Variants in EIF2S2 observed in about 807,000 individuals in gnomAD.
EIF2S2 encodes the protein eukaryotic translation initiation factor 2 subunit 2.
Under a neutral mutation model 44.0 loss-of-function variants are expected in EIF2S2, and 4 were observed. The observed-to-expected ratio is 0.09, with a 90% CI of 0.04 to 0.21. The LOEUF is 0.21. EIF2S2 is among the 10% of genes least tolerant of loss of function. The probability of loss-of-function intolerance (pLI) is 1.00; values close to 1 mark genes in which losing one functional copy is unlikely to be tolerated. For missense variants in EIF2S2, 154 were observed against 392.0 expected, an observed-to-expected ratio of 0.39 and a Z score of 5.13; for synonymous variants, 108 against 128.3, an observed-to-expected ratio of 0.84 and a Z score of 1.07.
At chr20:34,097,714 G>C (rs1409873325) in intron 4 of EIF2S2, among the ~76,000 whole-genome samples, 198 bp from the exon 5 acceptor site, 2 of 152,074 alleles carry the variant, frequency 1.3e-5, no homozygotes, top group African/African-American at 4.8e-5. Flanking sequence ...TTTCAAAAAA[G>C]GCCCTTAATA....
intron 8 of EIF2S2, 49 bp from the exon 9 acceptor site, chr20:34,089,954 G>T (rs757359236): frequency 1.3e-6 from 2 of 1,599,698 alleles, no homozygotes; most frequent in South Asian, 2.2e-5. Context: ...CAGTGAGGTA[G>T]AGAAGTTTCT....
At chr20:34,104,941 C>T (rs1053501520) in intron 2 of EIF2S2, among the ~76,000 whole-genome samples, 12 of 152,198 alleles carry the variant, frequency 7.9e-5, no homozygotes, top group African/African-American at 2.9e-4. Flanking sequence ...GTCTATGTTA[C>T]AGCACAGGGG....
chr20:34,093,864 C>G (rs1379789337), intron 6 of EIF2S2, 133 bp from the exon 7 acceptor site: 4 of 769,416 alleles, frequency 5.2e-6, no homozygotes, highest in Admixed American at 2.8e-5. Context: ...TTTATTTAAA[C>G]TTTGAAATAA....
intron 1 of EIF2S2, among the ~76,000 whole-genome samples, 195 bp from the exon 2 acceptor site, chr20:34,105,740 C>T (rs1433712106): frequency 6.6e-6 from 1 of 152,154 alleles, no homozygotes; most frequent in East Asian, 1.9e-4. Context: ...ATCAGGTGAA[C>T]TGAAACATGT....
At chr20:34,092,762 A>C (rs2034181960) in intron 7 of EIF2S2, among the ~76,000 whole-genome samples, 1 of 152,174 alleles carries the variant, frequency 6.6e-6, no homozygotes, top group Non-Finnish European at 1.5e-5. Context: ...ACCCCACACC[A>C]AGTGTAGCAA....
At chr20:34,091,776 T>TTTTTGGGG (rs4012181) in intron 7 of EIF2S2, among the ~76,000 whole-genome samples, 1 of 95,814 alleles carries the variant, frequency 1.0e-5, no homozygotes, top group African/African-American at 3.6e-5. Context: ...TTTATTTTTT[T>TTTTTGGGG]GGGGGGGGGG....
At position 34,112,182 on chromosome 20, in the gene EIF2S2, T is replaced by G; in HGVS notation, c.-72A>C. 2 of 1,466,032 alleles carry G rather than the reference T, an allele frequency of 1.4e-6. No individual in the cohort carries two copies. The highest frequency in any genetic ancestry group is 1.4e-5 in the African/African-American group (1 of 70,310). 90.8% of individuals were successfully genotyped at this position (1,466,032 alleles called of 1,614,324 possible). A position where few individuals can be genotyped will look rare whatever the true frequency, so the allele number is the denominator to read the frequency against. On this transcript the variant is annotated 5_prime_UTR_variant, in exon 1 of 9. Coordinates refer to ENST00000374980, the MANE Select transcript of EIF2S2 (RefSeq NM_003908.5). ...CAGCCCCAGGCCCCGGCGGCAGCGCTGCCCCTGCCGATACCTCTCCCACCA... is the reference window on the plus strand; with the variant it reads ...CAGCCCCAGGCCCCGGCGGCAGCGCGGCCCCTGCCGATACCTCTCCCACCA...
intron 1 of EIF2S2, among the ~76,000 whole-genome samples, chr20:34,110,774 G>A (rs2034403552): frequency 6.6e-6 from 1 of 151,946 alleles, no homozygotes; most frequent in African/African-American, 2.4e-5. Context: ...CAAAGGTTAT[G>A]AGAAGTTTGA....
intron 1 of EIF2S2, among the ~76,000 whole-genome samples, chr20:34,107,914 A>C (rs1308800308): frequency 6.6e-6 from 1 of 152,232 alleles, no homozygotes; most frequent in East Asian, 1.9e-4. Context: ...TGGCCAACTT[A>C]AAGAAGTGTC....
At chr20:34,095,484 T>C (rs184032875) in intron 6 of EIF2S2, among the ~76,000 whole-genome samples, 17 of 152,330 alleles carry the variant, frequency 1.1e-4, no homozygotes, top group South Asian at 4.1e-4. Context: ...ACTTATTTTT[T>C]GTATTTTTTA....
chr20:34,110,895 G>A (rs1427579945), intron 1 of EIF2S2, among the ~76,000 whole-genome samples: 1 of 152,174 alleles, frequency 6.6e-6, no homozygotes, highest in Admixed American at 6.5e-5. Flanking sequence ...CAAACTTTCA[G>A]TTTCTCTAAC....
intron 7 of EIF2S2, 63 bp from the exon 8 acceptor site, chr20:34,090,665 G>T: frequency 2.1e-6 from 2 of 958,870 alleles, no homozygotes; most frequent in Non-Finnish European, 1.6e-6. Context: ...CCAAATTCCA[G>T]CACCTTTAAA....
intron 8 of EIF2S2, 46 bp from the exon 9 acceptor site, chr20:34,089,951 G>A (rs1305484924): frequency 6.2e-7 from 1 of 1,602,306 alleles, no homozygotes; most frequent in South Asian, 1.1e-5. Flanking sequence ...CTGCAGTGAG[G>A]TAGAGAAGTT....
At chr20:34,100,170 A>T (rs1409931499) in intron 3 of EIF2S2, among the ~76,000 whole-genome samples, 1 of 152,092 alleles carries the variant, frequency 6.6e-6, no homozygotes, top group Admixed American at 6.5e-5. Flanking sequence ...GCACGCCACC[A>T]CACCTAGCTA....
intron 6 of EIF2S2, among the ~76,000 whole-genome samples, chr20:34,093,963 T>C (rs1203151412): frequency 6.6e-6 from 1 of 152,164 alleles, no homozygotes; most frequent in Admixed American, 6.5e-5. Flanking sequence ...TGATCATAGC[T>C]CACTGTAACC....
intron 3 of EIF2S2, among the ~76,000 whole-genome samples, chr20:34,101,288 A>G (rs2034292206): frequency 6.6e-6 from 1 of 152,148 alleles, no homozygotes; most frequent in African/African-American, 2.4e-5. Context: ...TACCAAAAAT[A>G]CAAAAATAGC....
intron 7 of EIF2S2, among the ~76,000 whole-genome samples, chr20:34,091,769 A>ATT (rs1555812045): frequency 0.26 from 8,802 of 33,764 alleles, 1,515 homozygotes; most frequent in South Asian, 0.49. Flanking sequence ...ATATATATTT[A>ATT]TTTTTTTGGG....
intron 6 of EIF2S2, among the ~76,000 whole-genome samples, 187 bp from the exon 7 acceptor site, chr20:34,093,918 G>C (rs1264319796): frequency 6.6e-6 from 1 of 152,064 alleles, no homozygotes; most frequent in Non-Finnish European, 1.5e-5. Context: ...TAAGAGACAG[G>C]GTCTTGTTTT....
At position 34,105,480 on chromosome 20, in the gene EIF2S2, C is replaced by A. The variant is rs778900392; in HGVS notation, c.81G>T (p.Glu27Asp). 9.3e-6 allele frequency: 15 copies of A among 1,613,854 alleles called. No homozygotes were observed. The Admixed American group carries it at 2.5e-4, about 27-fold the overall frequency. Reference sequence around the variant, plus strand: ...TTTCCTCTGTTTGGGTATCCCCTTCCTCATCTAACATAAAAGGCTTCTTCT... The same window carrying A: ...TTTCCTCTGTTTGGGTATCCCCTTCATCATCTAACATAAAAGGCTTCTTCT... ...KKKKKPFMLD[E>D]EGDTQTEETQ... The change falls in exon 2 of 9, where the codon GAG becomes GAT. Residue 27 changes from glutamate (E) to aspartate (D), a missense_variant. Physicochemically the swap from Glu to Asp is conservative, Grantham distance 45 (BLOSUM62 2). Around this residue, in one of 2 missense-constraint regions of EIF2S2, gnomAD observed 134 missense variants for 225.0 expected, o/e 0.60. Coordinates refer to ENST00000374980, the MANE Select transcript of EIF2S2 (RefSeq NM_003908.5).
Sources: gnomAD v4.1 joint callset for allele counts (sites outside exome capture counted in the v4.1 genomes callset) on GRCh38, gnomAD v4.1.1 for gene constraint, gnomAD v4.1.1 regional missense constraint, MANE v1.5 for transcripts, NCBI Gene and HGNC (gene_info 2026-07-23, HGNC 2026-07-21) for gene names.